The following KANK1 variants were observed in gnomAD, a reference collection of about 807,000 sequenced individuals.
The protein encoded by KANK1 is KN motif and ankyrin repeat domain-containing protein 1.
A neutral mutation model predicts 106.2 loss-of-function variants in KANK1; 109 were observed. That is an observed-to-expected ratio of 1.03 (90% CI 0.88 to 1.20). The LOEUF (loss-of-function observed/expected upper bound fraction) is 1.20. Among genes scored for constraint, KANK1 ranks in the 50% most tolerant of loss-of-function variants. KANK1 has a pLI of 0.00. For missense variants in KANK1, 2,399 were observed against 1,710.7 expected, an observed-to-expected ratio of 1.40 and a Z score of -7.10; for synonymous variants, 873 against 652.2, an observed-to-expected ratio of 1.34 and a Z score of -5.16.
At chr9:609,914 T>C (rs1830181964) in intron 1 of KANK1, among the ~76,000 whole-genome samples, 1 of 152,182 alleles carries the variant, frequency 6.6e-6, no homozygotes, top group South Asian at 2.1e-4. Context: ...GAAATGTTTT[T>C]ATCTTTCTTA....
Position 744,729 on chromosome 9 carries a change from T to A in KANK1, c.3996+140T>A, listed in dbSNP as rs1188626157. Reference sequence around the variant, plus strand: ...TTTTAGTCTGGAGCTTAAGAGTTCATCCTTTCCGCCTCCACCCCGCAAAAA... The same window carrying A: ...TTTTAGTCTGGAGCTTAAGAGTTCAACCTTTCCGCCTCCACCCCGCAAAAA... On this transcript the variant is annotated intron_variant, in intron 11 of 11. Transcript: ENST00000382297. 6.5e-6 allele frequency: 10 copies of A among 1,546,892 alleles called. No individual in the cohort carries two copies. In the African/African-American group the frequency reaches 8.2e-5, roughly 13 times the overall value.
intron 3 of KANK1, among the ~76,000 whole-genome samples, chr9:725,657 C>CA (rs1830459132): frequency 1.3e-5 from 2 of 152,132 alleles, no homozygotes; most frequent in Admixed American, 6.5e-5. Context: ...GAAATGCCAT[C>CA]ACTTGGCCCC....
chr9:684,511 A>G (rs1283503882), intron 2 of KANK1: 2 of 985,300 alleles, frequency 2.0e-6, no homozygotes, highest in East Asian at 2.3e-4. Flanking sequence ...AAAGGGTTAA[A>G]ACAGCCCTTC....
Position 740,867 on chromosome 9 carries a change from C to T in KANK1, c.3629C>T (p.Ala1210Val). The change falls in exon 9 of 12, where the codon GCA becomes GTA. Residue 1210 changes from alanine (A) to valine (V), a missense_variant. By Grantham distance (64) the Ala-to-Val change is moderately conservative (BLOSUM62 0). Transcript: ENST00000382297. ...IMLAALAAVE[A>V]EKDMRIVEEL... Reference sequence around the variant, plus strand: ...TTGGCGGCCCTCGCCGCTGTGGAAGCAGAGAAGGACATGCGGATTGTGGAA... The same window carrying T: ...TTGGCGGCCCTCGCCGCTGTGGAAGTAGAGAAGGACATGCGGATTGTGGAA... 3 of 1,614,000 alleles carry T rather than the reference C, an allele frequency of 1.9e-6. No individual in the cohort carries two copies. Among genetic ancestry groups the T allele is most frequent in the Non-Finnish European group, 8.5e-7 (1 of 1,180,024 alleles).
intron 1 of KANK1, among the ~76,000 whole-genome samples, chr9:579,481 C>A (rs1472821383): frequency 6.6e-6 from 1 of 152,210 alleles, no homozygotes; most frequent in East Asian, 1.9e-4. Context: ...CCTCACCTTT[C>A]TGCACTCCAG....
intron 10 of KANK1, 105 bp downstream of exon 10, chr9:742,510 C>A (rs1835913530): frequency 3.7e-6 from 3 of 818,340 alleles, no homozygotes; most frequent in Admixed American, 2.8e-5. Flanking sequence ...CCTCTATTCT[C>A]CTCTGGGATT....
chr9:605,726 G>A (rs551958779), intron 1 of KANK1, among the ~76,000 whole-genome samples: 1 of 151,904 alleles, frequency 6.6e-6, no homozygotes, highest in Admixed American at 6.5e-5. Context: ...GGGATGTTGA[G>A]GAGGGGAAAG....
chr9:535,409 C>A (rs2060251171), intron 1 of KANK1, among the ~76,000 whole-genome samples: 1 of 152,200 alleles, frequency 6.6e-6, no homozygotes. Flanking sequence ...ACACTTCTTT[C>A]TCTCCAGATA....
chr9:485,363 A>G (rs568276076), intron 3 of KANK1, among the ~76,000 whole-genome samples: 1 of 152,368 alleles, frequency 6.6e-6, no homozygotes, highest in East Asian at 1.9e-4. Flanking sequence ...ATACAATTCA[A>G]TGATTTTTAG....
chr9:601,614 C>T (rs1201475512), intron 1 of KANK1, among the ~76,000 whole-genome samples: 2 of 151,882 alleles, frequency 1.3e-5, no homozygotes, highest in East Asian at 3.9e-4. Flanking sequence ...TAGTGCTATT[C>T]GTGTGGACTC....
chr9:609,891 C>A (rs569478804), intron 1 of KANK1, among the ~76,000 whole-genome samples: 16 of 152,140 alleles, frequency 1.1e-4, no homozygotes, highest in African/African-American at 3.9e-4. Context: ...TAGAATTGTA[C>A]CACTCTCACA....
chr9:476,491 A>C (rs982688905), intron 3 of KANK1: 1 of 152,196 alleles, frequency 6.6e-6, no homozygotes, highest in Non-Finnish European at 1.5e-5. Context: ...ACTGCACTCC[A>C]GCCTGGGCAA....
At chr9:688,451 C>G (rs1164342494) in intron 2 of KANK1, among the ~76,000 whole-genome samples, 1 of 152,154 alleles carries the variant, frequency 6.6e-6, no homozygotes. Context: ...ACTAAAAATA[C>G]AAAAATTAGC....
chr9:628,846 A>G (rs939105401), intron 1 of KANK1, among the ~76,000 whole-genome samples: 4 of 152,054 alleles, frequency 2.6e-5, no homozygotes, highest in East Asian at 1.9e-4. Context: ...TGGGAGGTCA[A>G]AGTGCGCAGA....
At chr9:691,609 GAA>G (rs1819927246) in intron 2 of KANK1, among the ~76,000 whole-genome samples, 1 of 46,774 alleles carries the variant, frequency 2.1e-5, no homozygotes, top group African/African-American at 7.0e-5. Context: ...AATAATACCA[GAA>G]TTTTTTTTTT....
At chr9:635,622 T>G (rs1292339631) in intron 1 of KANK1, among the ~76,000 whole-genome samples, 1 of 151,452 alleles carries the variant, frequency 6.6e-6, no homozygotes, top group Non-Finnish European at 1.5e-5. Context: ...ATGAGTAGAA[T>G]AAGAAAAAGT....
intron 1 of KANK1, among the ~76,000 whole-genome samples, chr9:581,846 C>G (rs1822236859): frequency 6.6e-6 from 1 of 152,122 alleles, no homozygotes; most frequent in Non-Finnish European, 1.5e-5. Context: ...CAGCATCCAG[C>G]CATCCTCCTG....
At chr9:576,594 T>C (rs1820622734) in intron 1 of KANK1, among the ~76,000 whole-genome samples, 1 of 152,214 alleles carries the variant, frequency 6.6e-6, no homozygotes, top group Non-Finnish European at 1.5e-5. Context: ...ATTCTTTCAC[T>C]GGCAATCACG....
At chr9:731,431 C>T (rs1589262276) in intron 5 of KANK1, 165 bp downstream of exon 5, 2 of 514,928 alleles carry the variant, frequency 3.9e-6, no homozygotes, top group Middle Eastern at 4.6e-4. Context: ...CTTTCCTCCT[C>T]TGGTGCTGTC....
Sources: allele counts gnomAD v4.1 joint callset (sites outside exome capture counted in the v4.1 genomes callset), GRCh38; gene constraint gnomAD v4.1.1; transcripts MANE v1.5; gene names NCBI Gene and HGNC (gene_info 2026-07-23, HGNC 2026-07-21).